Variants in NEBL observed in about 807,000 individuals in gnomAD.
NEBL encodes the protein LIM and SH3 protein 2.
NEBL carries 122 observed loss-of-function variants against 140.2 expected under a neutral mutation model. The observed-to-expected ratio is 0.87, with a 90% CI of 0.75 to 1.01. The LOEUF (loss-of-function observed/expected upper bound fraction) is 1.01. NEBL is among the 50% of genes least tolerant of loss of function. The pLI is 0.00. For synonymous variants in NEBL, 436 were observed against 398.9 expected, an observed-to-expected ratio of 1.09 and a Z score of -1.11; for missense variants, 1,365 against 1,231.3, an observed-to-expected ratio of 1.11 and a Z score of -1.62.
At chr10:20,928,787 A>T (rs139791007) in intron 4 of NEBL, among the ~76,000 whole-genome samples, 2,746 of 152,262 alleles carry the variant, frequency 0.018, 40 homozygotes, top group Non-Finnish European at 0.028. Context: ...ACTCTACCAG[A>T]CCAATTCCAT....
intron 2 of NEBL, among the ~76,000 whole-genome samples, chr10:21,069,503 G>T (rs974499363): frequency 6.6e-5 from 10 of 152,142 alleles, no homozygotes; most frequent in Non-Finnish European, 1.3e-4. Context: ...CACAGCGCCC[G>T]CCAGGAGAAT....
At chr10:20,961,827 C>T (rs1373988269) in intron 3 of NEBL, 2 of 1,436,840 alleles carry the variant, frequency 1.4e-6, no homozygotes, top group Admixed American at 3.4e-5. Context: ...TCACGAATCC[C>T]ACTCGGGATA....
chr10:20,999,846 A>G (rs990955987), intron 3 of NEBL, among the ~76,000 whole-genome samples: 1 of 152,052 alleles, frequency 6.6e-6, no homozygotes, highest in Non-Finnish European at 1.5e-5. Flanking sequence ...TTCTTCTCCC[A>G]TAATAATCTA....
chr10:20,919,401 A>G (rs1018614789), intron 4 of NEBL, among the ~76,000 whole-genome samples: 5 of 152,182 alleles, frequency 3.3e-5, no homozygotes, highest in African/African-American at 4.8e-5. Flanking sequence ...AAATTCTACC[A>G]TTTCAAACTT....
At chr10:20,916,769 T>C (rs957242194) in intron 4 of NEBL, among the ~76,000 whole-genome samples, 6 of 152,178 alleles carry the variant, frequency 3.9e-5, no homozygotes, top group South Asian at 4.1e-4. Context: ...AGGTATAAAA[T>C]GCGTGCCCAT....
At chr10:21,150,349 C>T (rs971492071) in intron 2 of NEBL, among the ~76,000 whole-genome samples, 2 of 152,198 alleles carry the variant, frequency 1.3e-5, no homozygotes, top group Admixed American at 6.5e-5. Flanking sequence ...ATTTAATTTG[C>T]TACTTCCCAA....
intron 2 of NEBL, among the ~76,000 whole-genome samples, chr10:21,251,108 C>T (rs892186289): frequency 1.7e-4 from 26 of 152,180 alleles, no homozygotes; most frequent in Admixed American, 7.2e-4. Flanking sequence ...CTACACTACC[C>T]AAGATTGTAT....
At chr10:20,811,650 A>C (rs1838155189) in intron 24 of NEBL, among the ~76,000 whole-genome samples, 1 of 152,224 alleles carries the variant, frequency 6.6e-6, no homozygotes, top group Admixed American at 6.5e-5. Flanking sequence ...CTCTGACTTT[A>C]GCACCCTGGT....
chr10:20,866,578 C>G (rs568736518), intron 7 of NEBL, among the ~76,000 whole-genome samples: 33 of 152,308 alleles, frequency 2.2e-4, no homozygotes, highest in African/African-American at 7.0e-4. Context: ...GCTCTGCCAT[C>G]AGATTTCTGT....
chr10:21,196,217 T>A (rs1217956649), intron 3 of NEBL, among the ~76,000 whole-genome samples: 2 of 152,132 alleles, frequency 1.3e-5, no homozygotes, highest in African/African-American at 2.4e-5. Flanking sequence ...TTGGTCAGGC[T>A]GGTCTCGAAC....
chr10:20,804,044 C>T (rs565168757), intron 26 of NEBL, among the ~76,000 whole-genome samples: 1 of 151,568 alleles, frequency 6.6e-6, no homozygotes, highest in South Asian at 2.1e-4. Flanking sequence ...CATTTTATTC[C>T]CTCTCCAAAT....
At chr10:20,815,043 A>G (rs534905071) in intron 22 of NEBL, among the ~76,000 whole-genome samples, 1 of 152,334 alleles carries the variant, frequency 6.6e-6, no homozygotes, top group African/African-American at 2.4e-5. Flanking sequence ...TAAGATATGG[A>G]TACCACTTAC....
At chr10:20,858,157 C>T in intron 9 of NEBL, 83 bp downstream of exon 9, 1 of 1,044,228 alleles carries the variant, frequency 9.6e-7, no homozygotes, top group Non-Finnish European at 1.5e-6. Flanking sequence ...TCTAAGGAAG[C>T]AGGTGAGCAC....
At position 20,976,151 on chromosome 10, in the gene NEBL, AT is replaced by A. The variant is rs1836788480; in HGVS notation, c.250-14373del. On this transcript the variant is annotated intron_variant, in intron 3 of 6. Coordinates refer to the NEBL transcript ENST00000417816. ...GGAGTTCAAGACCAGCCTAGCCAAC[AT>A]GGTGAAACCCCATCTCTACTAAAAA... Among the ~76,000 whole-genome samples the A allele has an allele frequency of 5.9e-5, 9 of 152,018 alleles. No individual in the cohort carries two copies. The South Asian group carries it at 1.9e-3, about 32-fold the overall frequency.
intron 2 of NEBL, among the ~76,000 whole-genome samples, chr10:21,030,954 GGT>G (rs1833753797): frequency 1.3e-5 from 2 of 152,270 alleles, no homozygotes; most frequent in Admixed American, 1.3e-4. Flanking sequence ...AGGACACACC[GGT>G]GTGCACTGAT....
chr10:21,228,408 C>T (rs1448440366), intron 3 of NEBL, among the ~76,000 whole-genome samples: 1 of 152,116 alleles, frequency 6.6e-6, no homozygotes, highest in East Asian at 1.9e-4. Flanking sequence ...CTCGCCTCAG[C>T]CTTCCAAAGT....
chr10:20,974,243 GT>G (rs969572680), intron 3 of NEBL, among the ~76,000 whole-genome samples: 26 of 149,056 alleles, frequency 1.7e-4, no homozygotes, highest in African/African-American at 5.7e-4. Flanking sequence ...CCATCGCTTA[GT>G]TTTTTTTCTT....
chr10:20,981,971 T>C lies in NEBL; in HGVS notation c.250-20192A>G, dbSNP rs181010502. 1.6e-3 allele frequency among the ~76,000 whole-genome samples: 238 copies of C among 152,310 alleles called. 1 individual carries two copies. The highest frequency in any genetic ancestry group is 0.01 in the Middle Eastern group (3 of 294). ...TGGCATTTCTAACAAAAAGAATTCC[T>C]AACTGATACACTCATCTACATTTTG... On this transcript the variant is annotated intron_variant, in intron 3 of 6. Coordinates refer to the NEBL transcript ENST00000417816.
intron 2 of NEBL, among the ~76,000 whole-genome samples, chr10:21,038,204 T>TA (rs1382874686): frequency 6.6e-6 from 1 of 152,046 alleles, no homozygotes; most frequent in Admixed American, 6.6e-5. Flanking sequence ...CCTCCATATA[T>TA]TTTTTTTATT....
Sources: gnomAD v4.1 joint callset for allele counts (sites outside exome capture counted in the v4.1 genomes callset) on GRCh38, gnomAD v4.1.1 for gene constraint, MANE v1.5 for transcripts, NCBI Gene and HGNC (gene_info 2026-07-23, HGNC 2026-07-21) for gene names.